Variants in SPRING1 observed in about 807,000 individuals in gnomAD.
The protein encoded by SPRING1 is SREBF pathway regulator in golgi 1, also known as SREBP regulating gene protein.
Under a neutral mutation model 24.7 loss-of-function variants are expected in SPRING1, and 14 were observed. The observed-to-expected ratio is 0.57, with a 90% CI of 0.37 to 0.88. The LOEUF is 0.88. Ranked by LOEUF, SPRING1 falls within the 40% of genes least tolerant of loss-of-function variation. The pLI is 0.00. For synonymous variants in SPRING1, 93 were observed against 106.1 expected (o/e 0.88, Z 0.76); for missense variants, 255 against 268.4 (o/e 0.95, Z 0.35).
In SPRING1 at chr12:116,713,946, TAAC is replaced by T. The variant is rs372066470; in HGVS notation, c.*3861_*3863del. 1 of 152,264 alleles carries T rather than the reference TAAC, an allele frequency of 6.6e-6. No individual in the cohort carries two copies. Among genetic ancestry groups the T allele is most frequent in the East Asian group, 1.9e-4 (1 of 5,184 alleles). The allele number at this position is 152,264 out of a possible 1,614,324, so 9.4% of individuals were successfully genotyped here. A position where few individuals can be genotyped will look rare whatever the true frequency, so the allele number is the denominator to read the frequency against. On this transcript the variant is annotated 3_prime_UTR_variant, in exon 5 of 5. Coordinates refer to ENST00000261318, the MANE Select transcript of SPRING1 (RefSeq NM_024738.4). ...TGAAATATCGTATCTTTAAAAACAG[TAAC>T]AACAATAGTAACAAGAGCTCTGTAA...
chr12:116,736,710 A>C (rs923944811), intron 1 of SPRING1, among the ~76,000 whole-genome samples: 6 of 152,180 alleles, frequency 3.9e-5, no homozygotes, highest in South Asian at 2.1e-4. Context: ...TAAGCACTCA[A>C]CCTGGACTTC....
chr12:116,736,395 G>A (rs1240017430), intron 1 of SPRING1, among the ~76,000 whole-genome samples: 1 of 152,166 alleles, frequency 6.6e-6, no homozygotes, highest in African/African-American at 2.4e-5. Flanking sequence ...ACAGAAGTCT[G>A]GTAGTCACAT....
chr12:116,717,912 T>C lies in SPRING1; in HGVS notation c.535-19A>G. 6.3e-7 allele frequency: 1 copy of C among 1,581,460 alleles called. No individual in the cohort carries two copies. Among genetic ancestry groups the C allele is most frequent in the East Asian group, 2.3e-5 (1 of 43,514 alleles). On this transcript the variant is annotated intron_variant, in intron 4 of 4. Coordinates refer to ENST00000261318, the MANE Select transcript of SPRING1 (RefSeq NM_024738.4). This position sits in a 1 kb window ranked among gnomAD's most constrained non-coding sequence, Gnocchi z 4.2. ...GCACGCTCTGTTGGCAAAAGGAAAA[T>C]AAGAGCGCAGTGAGAGCGAGCACAG...
Position 116,723,838 on chromosome 12 carries a change from C to T in SPRING1, c.112-615G>A, listed in dbSNP as rs370673561. ...AACCCGCTACGGAACACACCCAGGCCGGCCAGCCCTCTACCCGGACAAGCA... is the reference window on the plus strand; with the variant it reads ...AACCCGCTACGGAACACACCCAGGCTGGCCAGCCCTCTACCCGGACAAGCA... On this transcript the variant is annotated intron_variant, in intron 1 of 4. Transcript: ENST00000261318. Among the ~76,000 whole-genome samples the T allele has an allele frequency of 3.9e-5, 6 of 152,276 alleles. No homozygotes were observed. The East Asian group carries it at 5.8e-4, about 15-fold the overall frequency.
In SPRING1 at chr12:116,728,360, C is replaced by T. The variant is rs1870803518; in HGVS notation, c.112-5137G>A. 6.6e-6 allele frequency among the ~76,000 whole-genome samples: 1 copy of T among 152,160 alleles called. No homozygotes were observed. The highest frequency in any genetic ancestry group is 1.5e-5 in the Non-Finnish European group (1 of 68,036). ...ATCTGCTTTGCCCACTCTGTCTCTG[C>T]CATCCAGCAGAACAGTGCCTGGCAC... is the stretch of plus-strand genomic sequence containing the variant. On this transcript the variant is annotated intron_variant, in intron 1 of 4. Transcript: ENST00000261318. The surrounding 1 kb of genome is among the most constrained non-coding windows in gnomAD (Gnocchi z 4.2).
chr12:116,719,777 T>C lies in SPRING1; in HGVS notation c.520A>G (p.Arg174Gly). 1 of 1,614,080 alleles carries C rather than the reference T, an allele frequency of 6.2e-7. No homozygotes were observed. Among genetic ancestry groups the C allele is most frequent in the South Asian group, 1.1e-5 (1 of 91,082 alleles). ...DHFELCLAKC[R>G]TSSQSVQHEN... The stretch of plus-strand genomic sequence containing the variant: ...CAGCTTCTGACCTGAGATGAGGTCC[T>C]GCATTTGGCCAGGCACAACTCAAAG... Residue 174 changes from arginine to glycine, a missense_variant, in exon 4 of 5, where the codon AGG (arginine) becomes GGG (glycine). By Grantham distance (125) the Arg-to-Gly change is moderately radical (BLOSUM62 -2). Transcript: ENST00000261318.
Position 116,717,733 on chromosome 12 carries a change from G to A in SPRING1, c.*77C>T. 1 of 1,304,792 alleles carries A rather than the reference G, an allele frequency of 7.7e-7. No homozygotes were observed. Among genetic ancestry groups the A allele is most frequent in the Non-Finnish European group, 1.1e-6 (1 of 947,018 alleles). 80.8% of individuals were successfully genotyped at this position (1,304,792 alleles called of 1,614,324 possible). Reference sequence around the variant, plus strand: ...TCTTCTTCCTGCAGCCTGGCCCGATGGCTGAAGCTGGGTCCCAGGAGGCGA... The same window carrying A: ...TCTTCTTCCTGCAGCCTGGCCCGATAGCTGAAGCTGGGTCCCAGGAGGCGA... On this transcript the variant is annotated 3_prime_UTR_variant, in exon 5 of 5. Transcript: ENST00000261318. The surrounding 1 kb of genome is among the most constrained non-coding windows in gnomAD (Gnocchi z 4.2).
chr12:116,714,894 T>A lies in SPRING1; in HGVS notation c.*2916A>T, dbSNP rs984456603. On this transcript the variant is annotated 3_prime_UTR_variant, in exon 5 of 5. Coordinates refer to ENST00000261318, the MANE Select transcript of SPRING1 (RefSeq NM_024738.4). ...TTTGTCCTTGCTTGTCTCAGAGCCC[T>A]TTTCACAGTCTCTTGTGTGCTTCTT... is the stretch of plus-strand genomic sequence containing the variant. The A allele has an allele frequency of 1.3e-5, 2 of 151,680 alleles. No homozygotes were observed. Among genetic ancestry groups the A allele is most frequent in the Non-Finnish European group, 2.9e-5 (2 of 67,990 alleles). The allele number at this position is 151,680 out of a possible 1,614,324, so 9.4% of individuals were successfully genotyped here. A position where few individuals can be genotyped will look rare whatever the true frequency, so the allele number is the denominator to read the frequency against.
chr12:116,737,541 G>A (rs117921747), intron 1 of SPRING1, among the ~76,000 whole-genome samples: 3 of 10,316 alleles, frequency 2.9e-4, no homozygotes, highest in East Asian at 9.6e-3. Context: ...GGAGGAAGGT[G>A]AGGAAGGTAA....
intron 1 of SPRING1, 84 bp downstream of exon 1, chr12:116,737,706 A>C: frequency 7.6e-7 from 1 of 1,316,398 alleles, no homozygotes; most frequent in African/African-American, 1.6e-5. Flanking sequence ...GGAGGAAGGT[A>C]ACGAAGGAAG....
rs1053880678 is a variant in SPRING1, at chr12:116,728,033, G to A, written c.112-4810C>T. ...AGCTCCTTTAAGGCTGAACACGTTC[G>A]TAGATTTTCAAGGAGTTATGCAAAC... On this transcript the variant is annotated intron_variant, in intron 1 of 4. Transcript: ENST00000261318. This position sits in a 1 kb window ranked among gnomAD's most constrained non-coding sequence, Gnocchi z 4.2. Among the ~76,000 whole-genome samples the A allele has an allele frequency of 1.3e-5, 2 of 152,110 alleles. No individual in the cohort carries two copies. Among genetic ancestry groups the A allele is most frequent in the Non-Finnish European group, 1.5e-5 (1 of 68,022 alleles).
intron 1 of SPRING1, among the ~76,000 whole-genome samples, chr12:116,737,224 C>T (rs1340181995): frequency 6.6e-6 from 1 of 152,180 alleles, no homozygotes; most frequent in East Asian, 1.9e-4. Flanking sequence ...GTGCTGAGAC[C>T]GGGACAGGAA....
chr12:116,724,845 T>A (rs1870607164), intron 1 of SPRING1, among the ~76,000 whole-genome samples: 2 of 152,208 alleles, frequency 1.3e-5, no homozygotes. Context: ...GTAGGGAGCA[T>A]AAAAACAAAT....
rs551238351 is a variant in SPRING1 at position 116,728,880 on chromosome 12, G to A, written c.112-5657C>T. 3.3e-5 allele frequency among the ~76,000 whole-genome samples: 5 copies of A among 152,296 alleles called. No individual in the cohort carries two copies. The highest frequency in any genetic ancestry group is 5.9e-5 in the Non-Finnish European group (4 of 68,020). ...CCTCTGCCAGAGCACCCAGGACAGC[G>A]GGGCTCAAAAGCCTTTGGTCCTGGA... is the stretch of plus-strand genomic sequence containing the variant. On this transcript the variant is annotated intron_variant, in intron 1 of 4. Transcript: ENST00000261318. This position sits in a 1 kb window ranked among gnomAD's most constrained non-coding sequence, Gnocchi z 4.2.
intron 4 of SPRING1, among the ~76,000 whole-genome samples, chr12:116,718,702 T>C (rs1007900364): frequency 6.6e-6 from 1 of 152,236 alleles, no homozygotes; most frequent in Non-Finnish European, 1.5e-5. Flanking sequence ...CTGGGTTTTA[T>C]CAGTGAAGGA....
At position 116,714,434 on chromosome 12, in the gene SPRING1, G is replaced by A. The variant is rs1235504862; in HGVS notation, c.*3376C>T. On this transcript the variant is annotated 3_prime_UTR_variant, in exon 5 of 5. Coordinates refer to ENST00000261318, the MANE Select transcript of SPRING1 (RefSeq NM_024738.4). ...CCAGTTGGGCTTGGGGACATGCTGAGAGGTGACAGCACTGCTCTCAAGTCA... is the reference window on the plus strand; with the variant it reads ...CCAGTTGGGCTTGGGGACATGCTGAAAGGTGACAGCACTGCTCTCAAGTCA... 2.0e-5 allele frequency: 3 copies of A among 152,230 alleles called. No homozygotes were observed. Among genetic ancestry groups the A allele is most frequent in the Non-Finnish European group, 4.4e-5 (3 of 68,044 alleles). The allele number at this position is 152,230 out of a possible 1,614,324, so 9.4% of individuals were successfully genotyped here.
chr12:116,711,799 AG>A lies in SPRING1; in HGVS notation c.*6010del, dbSNP rs1321927292. 1 of 152,262 alleles carries A rather than the reference AG, an allele frequency of 6.6e-6. No individual in the cohort carries two copies. The highest frequency in any genetic ancestry group is 1.9e-4 in the East Asian group (1 of 5,154). The allele number at this position is 152,262 out of a possible 1,614,324, so 9.4% of individuals were successfully genotyped here. ...CTGGCTCCTTTTTTTTATTTTTTGTAGAGACAGGGTCTCCCTATGTTGCTCA... is the reference window on the plus strand; with the variant it reads ...CTGGCTCCTTTTTTTTATTTTTTGTAAGACAGGGTCTCCCTATGTTGCTCA... On this transcript the variant is annotated 3_prime_UTR_variant, in exon 5 of 5. Transcript: ENST00000261318.
chr12:116,719,971 G>T, intron 3 of SPRING1, 95 bp from the exon 4 acceptor site: 2 of 1,075,330 alleles, frequency 1.9e-6, no homozygotes, highest in Non-Finnish European at 2.8e-6. Context: ...TGCTGATACA[G>T]GGAAGGGGGG....
intron 1 of SPRING1, among the ~76,000 whole-genome samples, chr12:116,737,516 G>A (rs1871299483): frequency 9.7e-6 from 1 of 103,048 alleles, no homozygotes; most frequent in Non-Finnish European, 2.0e-5. Flanking sequence ...GAAGGAAAGG[G>A]GGAGGAAGGA....
Sources: allele counts gnomAD v4.1 joint callset (sites outside exome capture counted in the v4.1 genomes callset), GRCh38; gene constraint gnomAD v4.1.1; non-coding constraint Gnocchi (gnomAD v3.1); transcripts MANE v1.5; gene names NCBI Gene and HGNC (gene_info 2026-07-23, HGNC 2026-07-21).